The following HIVEP3 variants were observed in gnomAD, a reference collection of about 807,000 sequenced individuals.
HIVEP3 encodes transcription factor HIVEP3.
HIVEP3 carries 49 observed loss-of-function variants against 152.8 expected under a neutral mutation model. The observed-to-expected ratio is 0.32, with a 90% confidence interval of 0.26 to 0.41. The LOEUF (loss-of-function observed/expected upper bound fraction) is 0.41, where lower values mean the gene tolerates loss of function less well. Among genes scored for constraint, HIVEP3 ranks in the 10% least tolerant of loss-of-function variants. The pLI is 1.00. For missense variants in HIVEP3, 2,790 were observed against 3,103.3 expected, an observed-to-expected ratio of 0.90 and a Z score of 2.40; for synonymous variants, 1,269 against 1,289.0, an observed-to-expected ratio of 0.98 and a Z score of 0.33.
intron 1 of HIVEP3, among the ~76,000 whole-genome samples, chr1:41,869,077 C>G (rs1433273575): frequency 6.6e-6 from 1 of 152,176 alleles, no homozygotes; most frequent in East Asian, 1.9e-4. Context: ...CAGCCTCCTT[C>G]CTGTTCATGT....
Position 41,888,436 on chromosome 1 carries a change from G to A in HIVEP3, c.-801+29977C>T, listed in dbSNP as rs980098529. On this transcript the variant is annotated intron_variant, in intron 1 of 8. Transcript: ENST00000372583. ...AGAGTGTTTGCAGGTGAGTGTGGCC[G>A]ATATGTGAGGAGAGAGGAGAAGGAG... 2.6e-5 allele frequency among the ~76,000 whole-genome samples: 4 copies of A among 151,820 alleles called. No individual in the cohort carries two copies. In the South Asian group the frequency reaches 6.3e-4, roughly 24 times the overall value.
intron 2 of HIVEP3, among the ~76,000 whole-genome samples, chr1:41,672,229 C>T (rs751390265): frequency 1.8e-4 from 28 of 152,192 alleles, no homozygotes; most frequent in Non-Finnish European, 3.2e-4. Context: ...GTGGGGCAGG[C>T]CCCATGTGCA....
intron 1 of HIVEP3, among the ~76,000 whole-genome samples, chr1:41,757,217 G>C (rs938870797): frequency 2.0e-4 from 31 of 151,522 alleles, no homozygotes; most frequent in Admixed American, 9.8e-4. Flanking sequence ...CCAGGTTCAC[G>C]CCATTCTCCT....
intron 1 of HIVEP3, among the ~76,000 whole-genome samples, chr1:41,849,696 C>CT (rs750021881): frequency 0.011 from 1,564 of 142,378 alleles, 8 homozygotes; most frequent in Non-Finnish European, 0.012. Flanking sequence ...AGACCCAAAT[C>CT]TTTTTTTTTT....
intron 1 of HIVEP3, among the ~76,000 whole-genome samples, chr1:41,966,475 C>CTCTTTTTTTTTTTTT (rs1645198162): frequency 1.0e-5 from 1 of 95,810 alleles, no homozygotes; most frequent in South Asian, 4.3e-4. Flanking sequence ...GTGCTGTATT[C>CTCTTTTTTTTTTTTT]TTTTTTTTTT....
At chr1:41,554,576 CTT>C (rs2149083731) in intron 5 of HIVEP3, among the ~76,000 whole-genome samples, 1 of 152,258 alleles carries the variant, frequency 6.6e-6, no homozygotes, top group East Asian at 1.9e-4. Context: ...GCACTCTGAT[CTT>C]TAGAATTTTC....
At chr1:41,760,488 G>T (rs552948085) in intron 1 of HIVEP3, among the ~76,000 whole-genome samples, 4 of 152,144 alleles carry the variant, frequency 2.6e-5, no homozygotes, top group Non-Finnish European at 5.9e-5. Flanking sequence ...TGTGCTCCAT[G>T]CCCTGCAGAG....
chr1:41,894,455 A>G (rs1392936614), intron 1 of HIVEP3, among the ~76,000 whole-genome samples: 1 of 152,186 alleles, frequency 6.6e-6, no homozygotes, highest in African/African-American at 2.4e-5. Context: ...GTGTGCAGCA[A>G]ATGTGGCTTC....
At chr1:41,991,681 C>T (rs531289774) in intron 1 of HIVEP3, among the ~76,000 whole-genome samples, 1,907 of 151,944 alleles carry the variant, frequency 0.013, 38 homozygotes, top group African/African-American at 0.045. Flanking sequence ...CAAAGCCTGG[C>T]GGAGACACAA....
At chr1:41,706,504 A>G (rs1646436205) in intron 1 of HIVEP3, among the ~76,000 whole-genome samples, 1 of 151,820 alleles carries the variant, frequency 6.6e-6, no homozygotes, top group Admixed American at 6.6e-5. Context: ...CTGGCCTTGA[A>G]CTCCTGACCT....
chr1:41,829,427 C>A (rs186382236), intron 1 of HIVEP3, among the ~76,000 whole-genome samples: 73 of 152,244 alleles, frequency 4.8e-4, no homozygotes, highest in African/African-American at 1.7e-3. Flanking sequence ...TGTTGCTTAT[C>A]CCAGGCCCTG....
chr1:41,615,361 G>T (rs1232452828), intron 3 of HIVEP3, among the ~76,000 whole-genome samples: 2 of 152,234 alleles, frequency 1.3e-5, no homozygotes, highest in African/African-American at 4.8e-5. Flanking sequence ...ATGCACTGGG[G>T]CTGCCCCCCA....
intron 2 of HIVEP3, among the ~76,000 whole-genome samples, chr1:41,686,408 T>A (rs1558180041): frequency 6.6e-6 from 1 of 151,986 alleles, no homozygotes; most frequent in Admixed American, 6.6e-5. Context: ...ACTTAAGTAA[T>A]CTCCTCCAGA....
At chr1:41,824,756 T>C (rs1221033759) in intron 1 of HIVEP3, among the ~76,000 whole-genome samples, 2 of 11,038 alleles carry the variant, frequency 1.8e-4, no homozygotes, top group Non-Finnish European at 4.8e-4. Flanking sequence ...TATATATATA[T>C]ATATATATAT....
At chr1:41,802,242 GTC>G in intron 1 of HIVEP3, among the ~76,000 whole-genome samples, 1 of 152,200 alleles carries the variant, frequency 6.6e-6, no homozygotes, top group East Asian at 1.9e-4. Context: ...TGGAGACAGA[GTC>G]TTGCTCTGTT....
chr1:41,947,206 A>T (rs1256377925), intron 1 of HIVEP3, among the ~76,000 whole-genome samples: 1 of 152,164 alleles, frequency 6.6e-6, no homozygotes, highest in African/African-American at 2.4e-5. Flanking sequence ...TCATACCTGG[A>T]CACTCTTGTC....
chr1:41,525,234 C>T (rs1642866800), intron 5 of HIVEP3, among the ~76,000 whole-genome samples: 1 of 152,224 alleles, frequency 6.6e-6, no homozygotes, highest in South Asian at 2.1e-4. Flanking sequence ...CCAGCTACAG[C>T]TTCGCCCACA....
chr1:41,558,955 T>C (rs1392149357), intron 5 of HIVEP3, among the ~76,000 whole-genome samples: 1 of 152,046 alleles, frequency 6.6e-6, no homozygotes, highest in Non-Finnish European at 1.5e-5. Context: ...TCCCACTCCA[T>C]GCTGCCCCAC....
intron 1 of HIVEP3, among the ~76,000 whole-genome samples, chr1:41,904,184 AC>A (rs1472325912): frequency 2.6e-5 from 4 of 151,996 alleles, no homozygotes; most frequent in Non-Finnish European, 5.9e-5. Context: ...GGCCTGAGCC[AC>A]CGTGCCTGGT....
Sources: allele counts gnomAD v4.1 joint callset (sites outside exome capture counted in the v4.1 genomes callset), GRCh38; gene constraint gnomAD v4.1.1; transcripts MANE v1.5; gene names NCBI Gene and HGNC (gene_info 2026-07-23, HGNC 2026-07-21).